The following OR6K6 variants were observed in gnomAD, a reference collection of about 807,000 sequenced individuals.
OR6K6 encodes olfactory receptor family 6 subfamily K member 6.
OR6K6 carries 9 observed loss-of-function variants against 8.1 expected under a neutral mutation model. The ratio of observed to expected loss-of-function variants is 1.11; its 90% CI spans 0.67 to 1.94. The LOEUF is 1.94. Among genes scored for constraint, OR6K6 ranks in the 30% most tolerant of loss-of-function variants. The pLI, the probability that OR6K6 is intolerant of heterozygous loss-of-function variation, is 0.00. For synonymous variants in OR6K6, 156 were observed against 140.3 expected (o/e 1.11, Z -0.79); for missense variants, 400 against 383.1 (o/e 1.04, Z -0.37).
exon 1 of OR6K6, chr1:158,755,223 T>C (rs763887217): frequency 6.2e-7 from 1 of 1,614,118 alleles, no homozygotes; most frequent in South Asian, 1.1e-5. Context: ...ACTCACTTGG[T>C]ATCACAGAAA....
exon 1 of OR6K6, chr1:158,755,058 G>C: frequency 6.2e-7 from 1 of 1,614,130 alleles, no homozygotes; most frequent in Non-Finnish European, 8.5e-7. Context: ...AGGTGGGCAT[G>C]GCCCTGCACA....
rs16841017 is a variant in OR6K6 at position 158,755,447 on chromosome 1, C to T, written c.560C>T (p.Pro187Leu). ...CACCAGATATTCTGTGATTTCACAC[C>T]TGTGCTGAGCTTGGCCTGCACAGAT... The change falls in exon 1 of 1, where the codon CCT becomes CTT. Residue 187 changes from proline (P) to leucine (L), a missense_variant. Coordinates refer to ENST00000641861, the Ensembl canonical transcript of OR6K6. 0.014 allele frequency: 21,949 copies of T among 1,614,116 alleles called. 2,452 individuals are homozygous for T. The African/African-American group carries it at 0.25, about 18-fold the overall frequency.
chr1:158,754,894 C>G, exon 1 of OR6K6: 1 of 1,613,992 alleles, frequency 6.2e-7, no homozygotes, highest in Non-Finnish European at 8.5e-7. Context: ...ACAGATGACA[C>G]AGTTGACGGC....
chr1:158,755,556 G>A, exon 1 of OR6K6: 1 of 1,614,120 alleles, frequency 6.2e-7, no homozygotes, highest in Non-Finnish European at 8.5e-7. Flanking sequence ...CCTACATCCG[G>A]ATTATTATAG....
At chr1:158,754,829 C>T in exon 1 of OR6K6, 1 of 1,607,588 alleles carries the variant, frequency 6.2e-7, no homozygotes, top group South Asian at 1.1e-5. Context: ...AAGCAATATT[C>T]AGTGGGTAAT....
chr1:158,755,025 C>A (rs749996993), exon 1 of OR6K6: 1 of 1,614,084 alleles, frequency 6.2e-7, no homozygotes, highest in South Asian at 1.1e-5. Flanking sequence ...TAACTGGAAA[C>A]CTAATAATGT....
exon 1 of OR6K6, chr1:158,754,874 T>C: frequency 6.2e-7 from 1 of 1,613,858 alleles, no homozygotes; most frequent in Non-Finnish European, 8.5e-7. Context: ...TTGTTTCCTT[T>C]TCTGTGTTCA....
chr1:158,755,556 G>T (rs1340037238), exon 1 of OR6K6: 1 of 1,614,120 alleles, frequency 6.2e-7, no homozygotes, highest in Non-Finnish European at 8.5e-7. Context: ...CCTACATCCG[G>T]ATTATTATAG....
chr1:158,755,540 C>G (rs1558026589), exon 1 of OR6K6: 1 of 1,614,206 alleles, frequency 6.2e-7, no homozygotes, highest in Non-Finnish European at 8.5e-7. Flanking sequence ...CTGGTCATTG[C>G]TCTATCCTAC....
At chr1:158,755,681 T>C (rs147971883) in exon 1 of OR6K6, 32 of 1,614,094 alleles carry the variant, frequency 2.0e-5, no homozygotes, top group Non-Finnish European at 2.7e-5. Flanking sequence ...TATTTGAGAT[T>C]CTCAGCCACC....
In OR6K6 at chr1:158,754,959, G is replaced by T. The variant is rs147601748; in HGVS notation, c.72G>T (p.Ala24=). ...TCCTCTTCTCTATGTTCCCGCATGC[G>T]CACAGAGGTGGCCTCTTATTCTTTA... Residue 24 remains alanine, a synonymous_variant, in exon 1 of 1, where the codon GCG becomes GCT. Coordinates refer to ENST00000641861, the Ensembl canonical transcript of OR6K6. 3.1e-6 allele frequency: 5 copies of T among 1,614,018 alleles called. No individual in the cohort carries two copies. In the African/African-American group the frequency reaches 5.3e-5, roughly 17 times the overall value.
At chr1:158,754,802 C>T (rs148753235) in exon 1 of OR6K6, 1 of 1,574,842 alleles carries the variant, frequency 6.3e-7, no homozygotes, top group Non-Finnish European at 8.7e-7. Context: ...TTGAGTAACT[C>T]ATTACAGAAA....
chr1:158,755,463 C>T (rs532993561), exon 1 of OR6K6: 1 of 1,614,212 alleles, frequency 6.2e-7, no homozygotes, highest in African/African-American at 1.3e-5. Flanking sequence ...TGAGCTTGGC[C>T]TGCACAGATA....
chr1:158,755,087 T>C lies in OR6K6; in HGVS notation c.200T>C (p.Ile67Thr), dbSNP rs143693874. ...CTGCACACCCCTTTGTATTTCTTTA[T>C]CAGTGTCCTCTCCTTCCTGGAGATC... The change falls in exon 1 of 1, where the codon ATC becomes ACC. Residue 67 changes from isoleucine (I) to threonine (T), a missense_variant. Transcript: ENST00000641861. The C allele has an allele frequency of 5.6e-5, 90 of 1,614,080 alleles. No individual in the cohort carries two copies. Among genetic ancestry groups the C allele is most frequent in the Non-Finnish European group, 7.3e-5 (86 of 1,180,044 alleles).
chr1:158,755,483 T>C (rs754301389), exon 1 of OR6K6: 1 of 1,614,190 alleles, frequency 6.2e-7, no homozygotes, highest in Admixed American at 1.7e-5. Flanking sequence ...ACATTCCTAG[T>C]GGTCATTGTG....
In OR6K6 at chr1:158,755,494, G is replaced by T. The variant is rs746201819; in HGVS notation, c.607G>T (p.Asp203Tyr). 2.5e-6 allele frequency: 4 copies of T among 1,614,064 alleles called. No homozygotes were observed. In the East Asian group the frequency reaches 8.9e-5, roughly 36 times the overall value. Residue 203 changes from aspartate to tyrosine, a missense_variant, in exon 1 of 1, where the codon GAT (aspartate) becomes TAT (tyrosine). Asp to Tyr is a radical substitution (Grantham distance 160). Transcript: ENST00000641861. ...AGATACATTCCTAGTGGTCATTGTG[G>T]ATGCCATCCATGCAGCGGAAATTGT...
exon 1 of OR6K6, chr1:158,755,604 G>T (rs959595032): frequency 6.2e-7 from 1 of 1,614,038 alleles, no homozygotes; most frequent in Admixed American, 1.7e-5. Flanking sequence ...GTCATCACAA[G>T]GCCTTTTCCA....
At chr1:158,755,676 G>C in exon 1 of OR6K6, 1 of 1,614,174 alleles carries the variant, frequency 6.2e-7, no homozygotes, top group Non-Finnish European at 8.5e-7. Flanking sequence ...TCATGTATTT[G>C]AGATTCTCAG....
chr1:158,755,465 G>C, exon 1 of OR6K6: 1 of 1,614,172 alleles, frequency 6.2e-7, no homozygotes, highest in Non-Finnish European at 8.5e-7. Flanking sequence ...AGCTTGGCCT[G>C]CACAGATACA....
Sources: gnomAD v4.1 joint callset for allele counts on GRCh38, gnomAD v4.1.1 for gene constraint, MANE v1.5 for transcripts, NCBI Gene and HGNC (gene_info 2026-07-23, HGNC 2026-07-21) for gene names.